WWOX: variants seen among roughly 807,000 people sequenced by gnomAD.
WWOX encodes WW domain containing oxidoreductase.
Under a neutral mutation model 46.2 loss-of-function variants are expected in WWOX, and 69 were observed. The observed-to-expected ratio is 1.49, with a 90% CI of 1.23 to 1.82. The LOEUF (loss-of-function observed/expected upper bound fraction) is 1.82. WWOX is among the 40% of genes most tolerant of loss of function. The pLI is 0.00. For missense variants in WWOX, 919 were observed against 542.6 expected, an observed-to-expected ratio of 1.69 and a Z score of -6.89; for synonymous variants, 359 against 202.6, an observed-to-expected ratio of 1.77 and a Z score of -6.56.
intron 8 of WWOX, among the ~76,000 whole-genome samples, chr16:78,622,562 C>G (rs937828965): frequency 6.6e-6 from 1 of 151,630 alleles, no homozygotes; most frequent in East Asian, 1.9e-4. Flanking sequence ...AAAAAGTGAA[C>G]CCTTGTAGTT....
At chr16:78,204,541 C>T (rs62034007) in intron 5 of WWOX, among the ~76,000 whole-genome samples, 7 of 152,038 alleles carry the variant, frequency 4.6e-5, no homozygotes, top group Non-Finnish European at 1.0e-4. Flanking sequence ...TGACCATCCC[C>T]ACCTCCTCAT....
At chr16:79,201,243 C>T (rs903511254) in intron 8 of WWOX, among the ~76,000 whole-genome samples, 1 of 152,128 alleles carries the variant, frequency 6.6e-6, no homozygotes, top group Admixed American at 6.5e-5. Flanking sequence ...ATTCTCAGCT[C>T]CCTCCAGGAC....
chr16:78,362,639 GA>G (rs950864453), intron 5 of WWOX, among the ~76,000 whole-genome samples: 1 of 151,700 alleles, frequency 6.6e-6, no homozygotes, highest in African/African-American at 2.4e-5. Flanking sequence ...GAAAAGAAAG[GA>G]AAAAAAATCC....
rs776354746 is a variant in WWOX, at chr16:78,386,909, G to C, written c.566G>C (p.Ser189Thr). 2 of 1,614,088 alleles carry C rather than the reference G, an allele frequency of 1.2e-6. No individual in the cohort carries two copies. The highest frequency in any genetic ancestry group is 1.7e-6 in the Non-Finnish European group (2 of 1,179,986). The part of the protein sequence containing the change: ...AMTLDLALLR[S>T]VQHFAEAFKA... ...ACCCTGGACCTCGCTCTGCTCCGTA[G>C]CGTGCAGCATTTTGCTGAAGCATTC... The change falls in exon 6 of 9, where the codon AGC becomes ACC. Residue 189 changes from serine to threonine, a missense_variant. Coordinates refer to ENST00000566780, the MANE Select transcript of WWOX (RefSeq NM_016373.4).
intron 8 of WWOX, among the ~76,000 whole-genome samples, chr16:78,617,014 G>C (rs911562201): frequency 6.6e-6 from 1 of 152,186 alleles, no homozygotes; most frequent in Admixed American, 6.5e-5. Flanking sequence ...AACCCAGCGT[G>C]GTGATTTTGG....
At chr16:78,300,900 T>G (rs1346186950) in intron 5 of WWOX, among the ~76,000 whole-genome samples, 1 of 152,108 alleles carries the variant, frequency 6.6e-6, no homozygotes, top group Non-Finnish European at 1.5e-5. Flanking sequence ...TGTTTTGCCA[T>G]GTTTTGTCAG....
chr16:79,054,845 T>C (rs1326582093), intron 8 of WWOX, among the ~76,000 whole-genome samples: 2 of 151,838 alleles, frequency 1.3e-5, no homozygotes, highest in Admixed American at 1.3e-4. Flanking sequence ...CAAAGAAAAA[T>C]CATAAAAGGG....
intron 8 of WWOX, chr16:78,757,088 A>G (rs2049669612): frequency 7.2e-6 from 5 of 697,906 alleles, no homozygotes; most frequent in Non-Finnish European, 5.2e-6. Context: ...CTTTGCTGCA[A>G]TCTTGACTGG....
intron 8 of WWOX, among the ~76,000 whole-genome samples, chr16:79,064,997 G>T (rs772815523): frequency 6.6e-6 from 1 of 152,168 alleles, no homozygotes; most frequent in Admixed American, 6.5e-5. Context: ...GTGTGCGAAG[G>T]GTGAATGGGT....
chr16:78,700,315 AGAGAGAGAG>A (rs1447830193), intron 8 of WWOX, among the ~76,000 whole-genome samples: 22 of 8,052 alleles, frequency 2.7e-3, no homozygotes, highest in African/African-American at 9.3e-3. Flanking sequence ...TAGTAGACAG[AGAGAGAGAG>A]AGAGAGAGAG....
chr16:78,540,256 G>T (rs984230925), intron 8 of WWOX, among the ~76,000 whole-genome samples: 1 of 151,770 alleles, frequency 6.6e-6, no homozygotes, highest in South Asian at 2.1e-4. Context: ...AAAAAAAATG[G>T]AATCAAGAAC....
intron 8 of WWOX, among the ~76,000 whole-genome samples, chr16:78,767,760 G>T (rs896896095): frequency 6.6e-6 from 1 of 152,086 alleles, no homozygotes; most frequent in African/African-American, 2.4e-5. Context: ...ATAGCCATCT[G>T]AGTGAAGTGT....
intron 8 of WWOX, among the ~76,000 whole-genome samples, chr16:78,598,834 C>T (rs553159807): frequency 2.0e-5 from 3 of 152,254 alleles, no homozygotes; most frequent in East Asian, 3.9e-4. Context: ...TCATTGTCCC[C>T]TTCATACAAA....
chr16:78,472,003 A>C (rs767440055), intron 8 of WWOX, among the ~76,000 whole-genome samples: 1 of 152,176 alleles, frequency 6.6e-6, no homozygotes, highest in Non-Finnish European at 1.5e-5. Context: ...GTTTCACTTT[A>C]TTCAGCGAAG....
intron 8 of WWOX, among the ~76,000 whole-genome samples, chr16:78,859,050 G>GTATATATATATATATATATATATATGTA (rs1163926433): frequency 4.9e-5 from 2 of 40,844 alleles, no homozygotes; most frequent in Non-Finnish European, 8.2e-5. Flanking sequence ...ATATATATAT[G>GTATATATATATATATATATATATATGTA]TATATATATA....
chr16:78,903,693 C>G (rs1008233118), intron 8 of WWOX, among the ~76,000 whole-genome samples: 3 of 152,276 alleles, frequency 2.0e-5, no homozygotes, highest in African/African-American at 4.8e-5. Context: ...TGAGAAGCAC[C>G]TGGACACTTC....
At chr16:78,870,309 C>A (rs1376396299) in intron 8 of WWOX, among the ~76,000 whole-genome samples, 2 of 152,126 alleles carry the variant, frequency 1.3e-5, no homozygotes, top group African/African-American at 2.4e-5. Flanking sequence ...CACATTACTT[C>A]TTTTCATTCT....
chr16:78,788,313 T>A (rs2050506824), intron 8 of WWOX, among the ~76,000 whole-genome samples: 1 of 151,478 alleles, frequency 6.6e-6, no homozygotes, highest in Admixed American at 6.5e-5. Flanking sequence ...CAGTCTATTG[T>A]TACAATATTG....
At chr16:78,489,364 T>G (rs1454961810) in intron 8 of WWOX, among the ~76,000 whole-genome samples, 1 of 152,150 alleles carries the variant, frequency 6.6e-6, no homozygotes, top group African/African-American at 2.4e-5. Flanking sequence ...TTTCCTCTCT[T>G]TACTTGGCCA....
Sources: gnomAD v4.1 joint callset for allele counts (sites outside exome capture counted in the v4.1 genomes callset) on GRCh38, gnomAD v4.1.1 for gene constraint, MANE v1.5 for transcripts, NCBI Gene and HGNC (gene_info 2026-07-23, HGNC 2026-07-21) for gene names.